Variants in CDC42SE2 observed in about 807,000 individuals in gnomAD.
CDC42SE2 encodes CDC42 small effector 2.
A neutral mutation model predicts 11.5 loss-of-function variants in CDC42SE2; 3 were observed. The ratio of observed to expected loss-of-function variants is 0.26; its 90% CI spans 0.12 to 0.67. The LOEUF (loss-of-function observed/expected upper bound fraction) is 0.67. CDC42SE2 is among the 30% of genes least tolerant of loss of function. The pLI, the probability that CDC42SE2 is intolerant of heterozygous loss-of-function variation, is 0.80. For synonymous variants in CDC42SE2, 33 were observed against 34.8 expected (o/e 0.95, Z 0.18); for missense variants, 82 against 106.8 (o/e 0.77, Z 1.02).
intron 2 of CDC42SE2, among the ~76,000 whole-genome samples, chr5:131,340,712 T>C (rs1186408169): frequency 6.7e-6 from 1 of 150,354 alleles, no homozygotes; most frequent in Non-Finnish European, 1.5e-5. Flanking sequence ...CAAGACAGAG[T>C]GTCACTCTGT....
intron 1 of CDC42SE2, among the ~76,000 whole-genome samples, chr5:131,279,250 A>C (rs545752762): frequency 6.6e-6 from 1 of 152,162 alleles, no homozygotes; most frequent in Non-Finnish European, 1.5e-5. Flanking sequence ...TATTGCATAA[A>C]ATGTGCTATT....
At chr5:131,345,860 A>C (rs1246064881) in intron 2 of CDC42SE2, among the ~76,000 whole-genome samples, 1 of 151,490 alleles carries the variant, frequency 6.6e-6, no homozygotes, top group African/African-American at 2.4e-5. Flanking sequence ...TTCTTAAAGA[A>C]AAGAATTTTC....
chr5:131,311,042 G>A (rs1757896931), intron 1 of CDC42SE2, among the ~76,000 whole-genome samples: 1 of 151,092 alleles, frequency 6.6e-6, no homozygotes, highest in East Asian at 1.9e-4. Context: ...AGTCTGGATG[G>A]TCTTTACATT....
the CDC42SE2 span, among the ~76,000 whole-genome samples, chr5:131,220,121 T>C: frequency 2.6e-5 from 4 of 152,322 alleles, no homozygotes; most frequent in African/African-American, 9.6e-5. Flanking sequence ...CAGCGCATAA[T>C]GCTGTGGTCA....
intron 1 of CDC42SE2, among the ~76,000 whole-genome samples, chr5:131,304,999 C>T (rs1490186328): frequency 1.3e-5 from 2 of 152,176 alleles, no homozygotes; most frequent in East Asian, 1.9e-4. Context: ...AGTTTCTTCT[C>T]AGCCCTTTGT....
intron 3 of CDC42SE2, among the ~76,000 whole-genome samples, chr5:131,364,489 T>A (rs1749799132): frequency 6.6e-6 from 1 of 152,172 alleles, no homozygotes; most frequent in Non-Finnish European, 1.5e-5. Flanking sequence ...GTCTTCCAGG[T>A]CATGAAAAGA....
At chr5:131,342,295 GGTAAATAC>G (rs1419019699) in intron 2 of CDC42SE2, among the ~76,000 whole-genome samples, 7 of 142,152 alleles carry the variant, frequency 4.9e-5, no homozygotes, top group Non-Finnish European at 9.1e-5. Context: ...AAAAAAAAAA[GGTAAATAC>G]CAGAAGAAGC....
At chr5:131,281,446 T>C (rs1484627431) in intron 1 of CDC42SE2, among the ~76,000 whole-genome samples, 1 of 152,108 alleles carries the variant, frequency 6.6e-6, no homozygotes, top group African/African-American at 2.4e-5. Context: ...TGTTTGTGAG[T>C]GGATATGCAA....
At chr5:131,268,162 A>C (rs1038385848) in intron 1 of CDC42SE2, among the ~76,000 whole-genome samples, 4 of 142,184 alleles carry the variant, frequency 2.8e-5, no homozygotes, top group African/African-American at 1.1e-4. Flanking sequence ...TCCTGGGTTC[A>C]AGTGATTCTC....
chr5:131,253,994 G>A (rs1756660596), intron 1 of CDC42SE2, among the ~76,000 whole-genome samples: 1 of 152,134 alleles, frequency 6.6e-6, no homozygotes, highest in Non-Finnish European at 1.5e-5. Flanking sequence ...CATCTCTGAA[G>A]ATTTCACAGG....
At chr5:131,273,270 C>T (rs1328006905) in intron 1 of CDC42SE2, among the ~76,000 whole-genome samples, 1 of 148,544 alleles carries the variant, frequency 6.7e-6, no homozygotes, top group African/African-American at 2.5e-5. Flanking sequence ...ATTCTCCTGT[C>T]TCAGCCTCCC....
At chr5:131,352,897 T>A (rs567398863) in intron 2 of CDC42SE2, among the ~76,000 whole-genome samples, 2 of 152,338 alleles carry the variant, frequency 1.3e-5, no homozygotes, top group South Asian at 4.1e-4. Context: ...GCAAGGGTGT[T>A]CACTCGTACT....
At chr5:131,217,992 T>G in the CDC42SE2 span, among the ~76,000 whole-genome samples, 1 of 151,922 alleles carries the variant, frequency 6.6e-6, no homozygotes, top group South Asian at 2.1e-4. Context: ...CTGGGCAACA[T>G]GGCGAAACCC....
the CDC42SE2 span, among the ~76,000 whole-genome samples, chr5:131,230,129 G>A: frequency 6.6e-6 from 1 of 151,928 alleles, no homozygotes; most frequent in South Asian, 2.1e-4. Flanking sequence ...GAAGGTTGCT[G>A]AGCATCCTAC....
At chr5:131,354,303 G>A (rs540857327) in intron 2 of CDC42SE2, among the ~76,000 whole-genome samples, 9 of 152,192 alleles carry the variant, frequency 5.9e-5, no homozygotes, top group Non-Finnish European at 7.4e-5. Flanking sequence ...TAATTATAAA[G>A]CAAATACCTG....
At chr5:131,282,841 G>A (rs1757264953) in intron 1 of CDC42SE2, among the ~76,000 whole-genome samples, 2 of 151,064 alleles carry the variant, frequency 1.3e-5, no homozygotes, top group Admixed American at 1.3e-4. Flanking sequence ...ATATTAGCCA[G>A]GATGGTCTTG....
chr5:131,364,337 T>C (rs1749793159), intron 3 of CDC42SE2, among the ~76,000 whole-genome samples: 1 of 152,142 alleles, frequency 6.6e-6, no homozygotes, highest in South Asian at 2.1e-4. Context: ...ACACAAATAC[T>C]TGGGGCAAAG....
intron 2 of CDC42SE2, among the ~76,000 whole-genome samples, chr5:131,327,653 A>G (rs1758325132): frequency 6.6e-6 from 1 of 152,192 alleles, no homozygotes; most frequent in Non-Finnish European, 1.5e-5. Flanking sequence ...CAAATAATCA[A>G]AGGGTTTTTC....
At chr5:131,229,152 T>A in the CDC42SE2 span, among the ~76,000 whole-genome samples, 1 of 148,360 alleles carries the variant, frequency 6.7e-6, no homozygotes, top group African/African-American at 2.6e-5. Flanking sequence ...CATAGACTTA[T>A]AATTACCTTA....
Sources: allele counts gnomAD v4.1 joint callset (sites outside exome capture counted in the v4.1 genomes callset), GRCh38; gene constraint gnomAD v4.1.1; transcripts MANE v1.5; gene names NCBI Gene and HGNC (gene_info 2026-07-23, HGNC 2026-07-21).